The following RNGTT variants were observed in gnomAD, a reference collection of about 807,000 sequenced individuals.
RNGTT encodes the protein RNA guanylyltransferase and 5'-phosphatase, also known as mRNA-capping enzyme.
Under a neutral mutation model 79.3 loss-of-function variants are expected in RNGTT, and 33 were observed. That is an observed-to-expected ratio of 0.42 (90% CI 0.32 to 0.56). The LOEUF (loss-of-function observed/expected upper bound fraction) is 0.56, where lower values mean the gene tolerates loss of function less well. Among genes scored for constraint, RNGTT ranks in the 20% least tolerant of loss-of-function variants. The pLI is 0.17. For missense variants in RNGTT, 497 were observed against 739.1 expected (o/e 0.67, Z 3.80); for synonymous variants, 222 against 235.9 (o/e 0.94, Z 0.54).
At chr6:88,907,862 G>C (rs1212631510) in intron 4 of RNGTT, among the ~76,000 whole-genome samples, 1 of 150,686 alleles carries the variant, frequency 6.6e-6, no homozygotes, top group Non-Finnish European at 1.5e-5. Context: ...TCAACCTCCA[G>C]AGTAGCTGGA....
intron 12 of RNGTT, among the ~76,000 whole-genome samples, chr6:88,783,834 C>T (rs1779141732): frequency 6.6e-6 from 1 of 152,144 alleles, no homozygotes. Flanking sequence ...TCCCCACATA[C>T]TGTCAAATGT....
At chr6:88,821,473 C>A (rs1356940556) in intron 11 of RNGTT, among the ~76,000 whole-genome samples, 1 of 151,578 alleles carries the variant, frequency 6.6e-6, no homozygotes, top group Admixed American at 6.6e-5. Context: ...TCCAATAATA[C>A]AAAAAGAAGA....
intron 11 of RNGTT, among the ~76,000 whole-genome samples, chr6:88,812,354 T>G (rs1780166172): frequency 6.6e-6 from 1 of 152,216 alleles, no homozygotes; most frequent in African/African-American, 2.4e-5. Flanking sequence ...CCGTTAGTCT[T>G]ATTTTTACCA....
intron 4 of RNGTT, among the ~76,000 whole-genome samples, chr6:88,917,881 C>A (rs1400474584): frequency 6.6e-6 from 1 of 151,226 alleles, no homozygotes; most frequent in Non-Finnish European, 1.5e-5. Context: ...AGCGAGACAC[C>A]ATCTCAAAAA....
chr6:88,677,609 G>A (rs1774925042), intron 14 of RNGTT, among the ~76,000 whole-genome samples: 1 of 151,792 alleles, frequency 6.6e-6, no homozygotes, highest in Non-Finnish European at 1.5e-5. Context: ...TGGGACAACT[G>A]CCATGGCCAG....
At chr6:88,641,076 C>T (rs1285035031) in intron 14 of RNGTT, among the ~76,000 whole-genome samples, 1 of 152,100 alleles carries the variant, frequency 6.6e-6, no homozygotes, top group African/African-American at 2.4e-5. Flanking sequence ...TGCGGTGGCT[C>T]ATGCCTGTAA....
At chr6:88,653,123 G>A (rs1237229691) in intron 14 of RNGTT, among the ~76,000 whole-genome samples, 1 of 152,060 alleles carries the variant, frequency 6.6e-6, no homozygotes, top group African/African-American at 2.4e-5. Context: ...CTTCTTTTTA[G>A]AAGCAAAATA....
At chr6:88,901,354 C>G (rs1486907894) in intron 6 of RNGTT, among the ~76,000 whole-genome samples, 1 of 151,796 alleles carries the variant, frequency 6.6e-6, no homozygotes, top group African/African-American at 2.4e-5. Context: ...GTAGAAATAT[C>G]ATGGTAAAAC....
chr6:88,868,678 A>T (rs1782256198), intron 8 of RNGTT, among the ~76,000 whole-genome samples: 1 of 152,162 alleles, frequency 6.6e-6, no homozygotes, highest in Admixed American at 6.5e-5. Flanking sequence ...CCACATCTTC[A>T]ATTTTCTTTT....
rs1030495765 is a variant in RNGTT at position 88,803,465 on chromosome 6, T to C, written c.1270-1833A>G. ...GGCGCGCGCCTGTAGTCCCAGCTAC[T>C]ACTCACAAGGCCGAGGCAGGAGAAT... On this transcript the variant is annotated intron_variant, in intron 11 of 15. Transcript: ENST00000369485. Among the ~76,000 whole-genome samples the C allele has an allele frequency of 2.7e-5, 4 of 150,550 alleles. No homozygotes were observed. The Admixed American group carries it at 2.7e-4, about 10-fold the overall frequency.
intron 13 of RNGTT, among the ~76,000 whole-genome samples, chr6:88,700,752 T>C (rs774385660): frequency 2.0e-5 from 3 of 152,188 alleles, no homozygotes; most frequent in Admixed American, 6.5e-5. Flanking sequence ...GCTTATTAAC[T>C]ATGTAACTTC....
At chr6:88,700,289 C>T (rs1052968241) in intron 13 of RNGTT, among the ~76,000 whole-genome samples, 1 of 152,048 alleles carries the variant, frequency 6.6e-6, no homozygotes, top group African/African-American at 2.4e-5. Flanking sequence ...CATATTCATC[C>T]CTTTCTTTAT....
chr6:88,652,125 T>C (rs968757805), intron 14 of RNGTT, among the ~76,000 whole-genome samples: 4 of 152,132 alleles, frequency 2.6e-5, no homozygotes, highest in Non-Finnish European at 5.9e-5. Context: ...TGTGAAGCTA[T>C]TTCCTGAGTA....
chr6:88,689,939 T>C (rs1350121590), intron 13 of RNGTT, among the ~76,000 whole-genome samples: 1 of 151,510 alleles, frequency 6.6e-6, no homozygotes, highest in African/African-American at 2.4e-5. Flanking sequence ...GTAATTATGG[T>C]TAACTATCAC....
At chr6:88,744,445 A>T (rs1036457653) in intron 13 of RNGTT, among the ~76,000 whole-genome samples, 11 of 152,082 alleles carry the variant, frequency 7.2e-5, no homozygotes, top group Admixed American at 4.6e-4. Flanking sequence ...TATTTTTAGT[A>T]GAGATGAGGT....
intron 13 of RNGTT, among the ~76,000 whole-genome samples, chr6:88,739,739 A>ATATATATATATATATATAT (rs1777413096): frequency 3.6e-5 from 1 of 27,712 alleles, no homozygotes; most frequent in Non-Finnish European, 1.0e-4. Context: ...ATATATATAT[A>ATATATATATATATATATAT]TATATATATA....
chr6:88,845,561 C>T (rs2127901743), intron 10 of RNGTT, among the ~76,000 whole-genome samples: 1 of 152,242 alleles, frequency 6.6e-6, no homozygotes, highest in South Asian at 2.1e-4. Flanking sequence ...GTGCATTTTT[C>T]CCCCATCTTT....
chr6:88,809,262 T>C (rs1447256432), intron 11 of RNGTT, among the ~76,000 whole-genome samples: 1 of 151,032 alleles, frequency 6.6e-6, no homozygotes, highest in Admixed American at 6.6e-5. Context: ...ATAAGAAAAA[T>C]AGTGGGGAAA....
At chr6:88,916,041 C>A (rs147801085) in intron 4 of RNGTT, among the ~76,000 whole-genome samples, 51 of 152,148 alleles carry the variant, frequency 3.4e-4, no homozygotes, top group African/African-American at 1.1e-3. Context: ...CAGGAAAATG[C>A]GAGTTAAAAC....
Sources: allele counts gnomAD v4.1 joint callset (sites outside exome capture counted in the v4.1 genomes callset), GRCh38; gene constraint gnomAD v4.1.1; transcripts MANE v1.5; gene names NCBI Gene and HGNC (gene_info 2026-07-23, HGNC 2026-07-21).